Variants in KRAS observed in about 807,000 individuals in gnomAD.
KRAS encodes the protein KRas proto-oncogene, GTPase.
In KRAS, 1 loss-of-function variant was observed where a neutral mutation model predicts 21.0. That is an observed-to-expected ratio of 0.05 (90% CI 0.02 to 0.23). KRAS has a LOEUF of 0.23. KRAS is among the 10% of genes least tolerant of loss of function. The pLI is 1.00. For missense variants in KRAS, 107 were observed against 221.8 expected (o/e 0.48, Z 3.29); for synonymous variants, 67 against 72.5 (o/e 0.92, Z 0.39).
chr12:25,206,530 TA>T lies in KRAS; in HGVS notation c.*3264del, dbSNP rs34176876. On this transcript the variant is annotated 3_prime_UTR_variant, in exon 5 of 5. Transcript: ENST00000311936. ...CATTCAAAGTTCACATAAAGGTAAT[TA>T]ACCACTACCTTAAAAAAATGCCCAT... 0.51 allele frequency: 103,684 copies of T among 203,446 alleles called. 27,798 individuals are homozygous for T. Among genetic ancestry groups the T allele is most frequent in the East Asian group, 0.79 (10,223 of 12,946 alleles). The allele number at this position is 203,446 out of a possible 1,614,324, so 12.6% of individuals were successfully genotyped here.
rs539221329 is a variant in KRAS at position 25,233,887 on chromosome 12, A to C, written c.112-6475T>G. The C allele has an allele frequency of 9.8e-4, 189 of 191,946 alleles. No individual in the cohort carries two copies. The Middle Eastern group carries it at 0.011, about 11-fold the overall frequency. 11.9% of individuals were successfully genotyped at this position (191,946 alleles called of 1,614,324 possible). A position where few individuals can be genotyped will look rare whatever the true frequency, so the allele number is the denominator to read the frequency against. The stretch of plus-strand genomic sequence containing the variant: ...TTATTAGAATTAAGCAGTTAACATA[A>C]ATACAATTTAACAGATTTTTCAATT... On this transcript the variant is annotated intron_variant, in intron 2 of 4. Transcript: ENST00000311936.
intron 4 of KRAS, among the ~76,000 whole-genome samples, chr12:25,212,643 TTC>T (rs1184355010): frequency 6.6e-6 from 1 of 152,196 alleles, no homozygotes; most frequent in Non-Finnish European, 1.5e-5. Flanking sequence ...GAGCAATGAA[TTC>T]TTTTTTTCTC....
At chr12:25,235,288 C>T (rs1395403063) in intron 2 of KRAS, 8 of 489,732 alleles carry the variant, frequency 1.6e-5, no homozygotes, top group South Asian at 3.3e-5. Flanking sequence ...GTTACTCTTC[C>T]GAAAGGTTAT....
intron 1 of KRAS, among the ~76,000 whole-genome samples, chr12:25,250,121 T>C (rs1158242166): frequency 6.6e-6 from 1 of 151,796 alleles, no homozygotes; most frequent in East Asian, 1.9e-4. Flanking sequence ...CCAAACACAA[T>C]AACCTCAAAC....
rs530808944 is a variant in KRAS, at chr12:25,209,059, C to G, written c.*736G>C. ...CCCAAAATGGTTGCTATAATAATCCCCATTTCATACTGGGTCTGCCTTAAC... is the reference window on the plus strand; with the variant it reads ...CCCAAAATGGTTGCTATAATAATCCGCATTTCATACTGGGTCTGCCTTAAC... On this transcript the variant is annotated 3_prime_UTR_variant, in exon 5 of 5. Transcript: ENST00000311936. 2.0e-5 allele frequency: 8 copies of G among 409,570 alleles called. No individual in the cohort carries two copies. The highest frequency in any genetic ancestry group is 1.6e-4 in the African/African-American group (8 of 48,986). The allele number at this position is 409,570 out of a possible 1,614,324, so 25.4% of individuals were successfully genotyped here. A position where few individuals can be genotyped will look rare whatever the true frequency, so the allele number is the denominator to read the frequency against.
chr12:25,205,588 T>TAGTA lies in KRAS; in HGVS notation c.*4206_*4207insTACT. ...AATAGTACTAGTAAGAAATTGGCAC[T>TAGTA]CAAAGGAAAAATGCAAAAGTATTTT... On this transcript the variant is annotated 3_prime_UTR_variant, in exon 5 of 5. Coordinates refer to ENST00000311936, the MANE Select transcript of KRAS (RefSeq NM_004985.5). 4.5e-6 allele frequency: 1 copy of TAGTA among 219,782 alleles called. No homozygotes were observed. The highest frequency in any genetic ancestry group is 9.1e-6 in the Non-Finnish European group (1 of 109,374). 13.6% of individuals were successfully genotyped at this position (219,782 alleles called of 1,614,324 possible).
chr12:25,235,182 T>A, intron 2 of KRAS: 1 of 513,040 alleles, frequency 1.9e-6, no homozygotes, highest in East Asian at 3.0e-5. Flanking sequence ...GTTTTCTTAA[T>A]GTATTAAGTA....
intron 4 of KRAS, among the ~76,000 whole-genome samples, chr12:25,220,480 G>A (rs1218072550): frequency 2.0e-5 from 3 of 152,154 alleles, no homozygotes; most frequent in South Asian, 4.1e-4. Flanking sequence ...TGTAATCCCA[G>A]CACTTTGGGA....
intron 3 of KRAS, 92 bp from the exon 4 acceptor site, chr12:25,225,865 A>G (rs892113689): frequency 5.6e-6 from 7 of 1,243,970 alleles, no homozygotes; most frequent in Non-Finnish European, 8.1e-6. Context: ...ATTTGGCTGA[A>G]AGAAAACAAT....
chr12:25,240,605 A>G (rs1951598839), intron 2 of KRAS, among the ~76,000 whole-genome samples: 1 of 152,200 alleles, frequency 6.6e-6, no homozygotes, highest in African/African-American at 2.4e-5. Flanking sequence ...CCACAGGAAG[A>G]CTGCATGGTA....
In KRAS at chr12:25,207,653, T is replaced by C. The variant is rs1951153366; in HGVS notation, c.*2142A>G. 1 of 232,248 alleles carries C rather than the reference T, an allele frequency of 4.3e-6. No homozygotes were observed. The highest frequency in any genetic ancestry group is 8.5e-6 in the Non-Finnish European group (1 of 117,406). The allele number at this position is 232,248 out of a possible 1,614,324, so 14.4% of individuals were successfully genotyped here. On this transcript the variant is annotated 3_prime_UTR_variant, in exon 5 of 5. Coordinates refer to ENST00000311936, the MANE Select transcript of KRAS (RefSeq NM_004985.5). ...TACCTAAGGAATTCTTTCAGCACTATCTTTATTAAATTCTCCTTCCACTGG... is the reference window on the plus strand; with the variant it reads ...TACCTAAGGAATTCTTTCAGCACTACCTTTATTAAATTCTCCTTCCACTGG...
rs747941132 is a variant in KRAS, at chr12:25,209,258, T to C, written c.*537A>G. On this transcript the variant is annotated 3_prime_UTR_variant, in exon 5 of 5. Coordinates refer to ENST00000311936, the MANE Select transcript of KRAS (RefSeq NM_004985.5). ...TAGCAGTGGAAAGGAGACAAAACCT[T>C]TGTGAACAGTGTAACTTTACATTCA... is the stretch of plus-strand genomic sequence containing the variant. 8.8e-5 allele frequency: 60 copies of C among 680,552 alleles called. No homozygotes were observed. The Middle Eastern group carries it at 1.2e-3, about 14-fold the overall frequency. The allele number at this position is 680,552 out of a possible 1,614,324, so 42.2% of individuals were successfully genotyped here. A position where few individuals can be genotyped will look rare whatever the true frequency, so the allele number is the denominator to read the frequency against.
rs766045811 is a variant in KRAS at position 25,245,400 on chromosome 12, T to C, written c.-11-5A>G. 14 of 1,594,204 alleles carry C rather than the reference T, an allele frequency of 8.8e-6. No homozygotes were observed. The highest frequency in any genetic ancestry group is 1.2e-5 in the Non-Finnish European group (14 of 1,167,998). On this transcript the variant is annotated splice_region_variant and splice_polypyrimidine_tract_variant and intron_variant, in intron 1 of 4. Coordinates refer to ENST00000311936, the MANE Select transcript of KRAS (RefSeq NM_004985.5). ...ATTCAGTCATTTTCAGCAGGCCTTA[T>C]AATAAAAATAATGAAAATGTGACTA...
chr12:25,218,949 T>G (rs1452816132), intron 4 of KRAS, among the ~76,000 whole-genome samples: 1 of 151,040 alleles, frequency 6.6e-6, no homozygotes, highest in Non-Finnish European at 1.5e-5. Context: ...TTTTTTGTTT[T>G]TTTTTTTTGA....
At chr12:25,222,895 G>A (rs1037774404) in intron 4 of KRAS, among the ~76,000 whole-genome samples, 10 of 152,140 alleles carry the variant, frequency 6.6e-5, no homozygotes, top group Admixed American at 1.3e-4. Context: ...CAAATGAGAA[G>A]TGGACAGCAA....
chr12:25,215,648 A>T, intron 4 of KRAS: 1 of 1,124,026 alleles, frequency 8.9e-7, no homozygotes, highest in Admixed American at 1.8e-5. Flanking sequence ...GTTTGAGATT[A>T]TGAGCTTGAG....
chr12:25,221,728 C>T (rs1951328224), intron 4 of KRAS, among the ~76,000 whole-genome samples: 3 of 152,250 alleles, frequency 2.0e-5, no homozygotes, highest in East Asian at 3.9e-4. Flanking sequence ...TGTTTTGTTC[C>T]TTTAACCGGA....
chr12:25,229,053 G>A (rs11047905), intron 2 of KRAS, among the ~76,000 whole-genome samples: 75,764 of 151,850 alleles, frequency 0.5, 19,992 homozygotes, highest in East Asian at 0.8. Context: ...GCAAGGCTCC[G>A]TCTCAAAAAA....
intron 2 of KRAS, among the ~76,000 whole-genome samples, chr12:25,232,217 G>C (rs1305371281): frequency 6.6e-6 from 1 of 152,098 alleles, no homozygotes; most frequent in Non-Finnish European, 1.5e-5. Flanking sequence ...GTCTAAATAA[G>C]GTTTCAGCAA....
Sources: allele counts gnomAD v4.1 joint callset (sites outside exome capture counted in the v4.1 genomes callset), GRCh38; gene constraint gnomAD v4.1.1; transcripts MANE v1.5; gene names NCBI Gene and HGNC (gene_info 2026-07-23, HGNC 2026-07-21).